Variants in ADIG observed in about 807,000 individuals in gnomAD.
ADIG encodes adipogenesis associated.
ADIG carries 12 observed loss-of-function variants against 10.7 expected under a neutral mutation model. The observed-to-expected ratio is 1.12, with a 90% CI of 0.72 to 1.82. The LOEUF (loss-of-function observed/expected upper bound fraction) is 1.82, where lower values mean the gene tolerates loss of function less well. Ranked by LOEUF, ADIG falls within the 40% of genes most tolerant of loss-of-function variation. ADIG has a pLI of 0.00. For synonymous variants in ADIG, 32 were observed against 35.6 expected, an observed-to-expected ratio of 0.90 and a Z score of 0.36; for missense variants, 72 against 92.5, an observed-to-expected ratio of 0.78 and a Z score of 0.91.
In ADIG at chr20:38,586,627, C is replaced by G. The variant is rs144712876; in HGVS notation, c.*14+466C>G. 1.8e-3 allele frequency among the ~76,000 whole-genome samples: 281 copies of G among 152,286 alleles called. 1 individual carries two copies. Among genetic ancestry groups the G allele is most frequent in the Middle Eastern group, 0.017 (5 of 294 alleles). ...CTTTCACTGTAGTACTTACCGCCTT[C>G]TAACACGTTTGATCGTGGCTGCATC... On this transcript the variant is annotated intron_variant, in intron 2 of 2. Transcript: ENST00000537425.
At chr20:38,586,881 A>C (rs997888783) in intron 2 of ADIG, among the ~76,000 whole-genome samples, 3 of 152,122 alleles carry the variant, frequency 2.0e-5, no homozygotes, top group African/African-American at 7.2e-5. Context: ...ACATACTCTC[A>C]TGTGAGGTGT....
intron 2 of ADIG, chr20:38,586,395 T>G: frequency 2.1e-6 from 1 of 483,740 alleles, no homozygotes; most frequent in Non-Finnish European, 3.8e-6. Flanking sequence ...AAAGGTCCCC[T>G]ACCCTTTACC....
chr20:38,584,892 C>G (rs559388136), intron 1 of ADIG, among the ~76,000 whole-genome samples: 1 of 152,326 alleles, frequency 6.6e-6, no homozygotes, highest in Non-Finnish European at 1.5e-5. Context: ...ATTCTCCTGC[C>G]TCAACCTCCT....
rs1392629628 is a variant in ADIG at position 38,581,302 on chromosome 20, G to A, written c.52G>A (p.Val18Ile). 1 of 1,613,798 alleles carries A rather than the reference G, an allele frequency of 6.2e-7. No individual in the cohort carries two copies. The highest frequency in any genetic ancestry group is 1.3e-5 in the African/African-American group (1 of 74,882). ...GAACGACCTCACATTTTCTTTCCTG[G>A]TTTTCTGGTTCTGCCTCCCTGTGGG... is the stretch of plus-strand genomic sequence containing the variant. ...LVNDLTFSFL[V>I]FWFCLPVGLL... Residue 18 changes from valine (V) to isoleucine (I), a missense_variant, in exon 1 of 3, where the codon GTT becomes ATT. Transcript: ENST00000537425.
intron 2 of ADIG, 92 bp from the exon 3 acceptor site, chr20:38,588,009 A>G: frequency 1.7e-6 from 2 of 1,211,828 alleles, no homozygotes; most frequent in Non-Finnish European, 2.1e-6. Context: ...AAGTGCTGGG[A>G]TTACAGGCAT....
At chr20:38,582,649 TA>T (rs1284761362) in intron 1 of ADIG, among the ~76,000 whole-genome samples, 2 of 152,196 alleles carry the variant, frequency 1.3e-5, no homozygotes, top group Non-Finnish European at 2.9e-5. Context: ...AGTGTTTATT[TA>T]AAGTATATTC....
chr20:38,588,226 C>T lies in ADIG; in HGVS notation c.*140C>T. 1 of 1,304,532 alleles carries T rather than the reference C, an allele frequency of 7.7e-7. No individual in the cohort carries two copies. Among genetic ancestry groups the T allele is most frequent in the Non-Finnish European group, 1.0e-6 (1 of 988,930 alleles). The allele number at this position is 1,304,532 out of a possible 1,614,324, so 80.8% of individuals were successfully genotyped here. On this transcript the variant is annotated 3_prime_UTR_variant, in exon 3 of 3. Coordinates refer to ENST00000537425, the MANE Select transcript of ADIG (RefSeq NM_001393816.1). ...TGGAACCCCCAACTCATCTCCTCTT[C>T]AGACCGACATGTGAAAGCCTCCAGA...
intron 2 of ADIG, among the ~76,000 whole-genome samples, chr20:38,586,660 C>G (rs1332994484): frequency 6.6e-6 from 1 of 152,066 alleles, no homozygotes; most frequent in African/African-American, 2.4e-5. Flanking sequence ...ATCCAAAGCC[C>G]CAAAATACTG....
At chr20:38,583,504 C>T (rs1264696386) in intron 1 of ADIG, among the ~76,000 whole-genome samples, 1 of 152,232 alleles carries the variant, frequency 6.6e-6, no homozygotes, top group African/African-American at 2.4e-5. Flanking sequence ...ACTTACAGGG[C>T]AGGGCACACA....
chr20:38,586,209 C>T, intron 2 of ADIG, 48 bp downstream of exon 2: 2 of 1,471,646 alleles, frequency 1.4e-6, no homozygotes, highest in Non-Finnish European at 1.9e-6. Context: ...CCACCCAAAG[C>T]CTTGGGCAGC....
chr20:38,581,545 T>C (rs1457722888), intron 1 of ADIG, among the ~76,000 whole-genome samples, 171 bp downstream of exon 1: 4 of 152,160 alleles, frequency 2.6e-5, no homozygotes, highest in Non-Finnish European at 5.9e-5. Context: ...TTTGGTTGTT[T>C]AGGGTTTCTT....
intron 1 of ADIG, among the ~76,000 whole-genome samples, chr20:38,584,607 T>A (rs2088618732): frequency 6.6e-6 from 1 of 152,242 alleles, no homozygotes; most frequent in Non-Finnish European, 1.5e-5. Context: ...GCTGTGAGCC[T>A]GGACAAGTGA....
At chr20:38,584,557 G>C (rs943689440) in intron 1 of ADIG, among the ~76,000 whole-genome samples, 1 of 152,224 alleles carries the variant, frequency 6.6e-6, no homozygotes, top group African/African-American at 2.4e-5. Context: ...GAACCGTGGA[G>C]TGGGGAGGCT....
chr20:38,585,288 TCTC>T, intron 1 of ADIG: 1 of 788,088 alleles, frequency 1.3e-6, no homozygotes, highest in Admixed American at 2.8e-5. Context: ...CCTCTTTTTT[TCTC>T]ACCCTACCTC....
rs2088589147 is a variant in ADIG, at chr20:38,581,301, G to T, written c.51G>T (p.Leu17=). ...PLVNDLTFSF[L]VFWFCLPVGL... Reference sequence around the variant, plus strand: ...TGAACGACCTCACATTTTCTTTCCTGGTTTTCTGGTTCTGCCTCCCTGTGG... The same window carrying T: ...TGAACGACCTCACATTTTCTTTCCTTGTTTTCTGGTTCTGCCTCCCTGTGG... Residue 17 remains leucine (L), a synonymous_variant, in exon 1 of 3, where the codon CTG becomes CTT. Coordinates refer to ENST00000537425, the MANE Select transcript of ADIG (RefSeq NM_001393816.1). 1.2e-6 allele frequency: 2 copies of T among 1,613,788 alleles called. No individual in the cohort carries two copies. The highest frequency in any genetic ancestry group is 1.7e-6 in the Non-Finnish European group (2 of 1,179,892).
In ADIG at chr20:38,588,142, A is replaced by G; in HGVS notation, c.*56A>G. The G allele has an allele frequency of 7.7e-7, 1 of 1,304,926 alleles. No individual in the cohort carries two copies. The allele number at this position is 1,304,926 out of a possible 1,614,324, so 80.8% of individuals were successfully genotyped here. ...TCAGCAGGGCAGTGGCAATGGCAGA[A>G]GTGGATGGGAGAGACTTGCCAGGGA... On this transcript the variant is annotated 3_prime_UTR_variant, in exon 3 of 3. Coordinates refer to ENST00000537425, the MANE Select transcript of ADIG (RefSeq NM_001393816.1).
intron 2 of ADIG, 119 bp from the exon 3 acceptor site, chr20:38,587,982 C>T (rs906551975): frequency 7.7e-6 from 9 of 1,165,190 alleles, no homozygotes; most frequent in Non-Finnish European, 9.9e-6. Flanking sequence ...AGATGATCCA[C>T]CTGCCTCGGC....
chr20:38,582,569 T>G (rs1026782935), intron 1 of ADIG, among the ~76,000 whole-genome samples: 8 of 152,164 alleles, frequency 5.3e-5, no homozygotes, highest in African/African-American at 1.9e-4. Flanking sequence ...ATCTCAAATG[T>G]AGGGGCTTAT....
At chr20:38,587,975 T>A in intron 2 of ADIG, 126 bp from the exon 3 acceptor site, 1 of 1,127,136 alleles carries the variant, frequency 8.9e-7, no homozygotes, top group Non-Finnish European at 1.1e-6. Context: ...TGACCTTAGA[T>A]GATCCACCTG....
Sources: gnomAD v4.1 joint callset for allele counts (sites outside exome capture counted in the v4.1 genomes callset) on GRCh38, gnomAD v4.1.1 for gene constraint, MANE v1.5 for transcripts, NCBI Gene and HGNC (gene_info 2026-07-23, HGNC 2026-07-21) for gene names.